Variants in KCNT2 observed in about 807,000 individuals in gnomAD.
The protein encoded by KCNT2 is potassium channel subfamily T member 2.
A neutral mutation model predicts 153.8 loss-of-function variants in KCNT2; 67 were observed. That is an observed-to-expected ratio of 0.44 (90% CI 0.36 to 0.53). The LOEUF is 0.53. Among genes scored for constraint, KCNT2 ranks in the 20% least tolerant of loss-of-function variants. KCNT2 has a pLI of 0.00. For missense variants in KCNT2, 975 were observed against 1,354.8 expected, an observed-to-expected ratio of 0.72 and a Z score of 4.40; for synonymous variants, 500 against 458.8, an observed-to-expected ratio of 1.09 and a Z score of -1.15.
rs529696700 is a variant in KCNT2 at position 196,366,251 on chromosome 1, C to T, written c.1403+6889G>A. 3.3e-5 allele frequency among the ~76,000 whole-genome samples: 5 copies of T among 152,030 alleles called. No homozygotes were observed. In the East Asian group the frequency reaches 9.7e-4, roughly 29 times the overall value. On this transcript the variant is annotated intron_variant, in intron 14 of 27. Coordinates refer to ENST00000294725, the MANE Select transcript of KCNT2 (RefSeq NM_198503.5). ...CTCAGCTCACCGCAGCCTCTGCCTC[C>T]TGGGTTCAAGGGATTCTCCTGCCTC...
intron 26 of KCNT2, among the ~76,000 whole-genome samples, chr1:196,251,884 G>C (rs1019460689): frequency 1.3e-5 from 2 of 151,666 alleles, no homozygotes; most frequent in Non-Finnish European, 3.0e-5. Flanking sequence ...TATACACCTA[G>C]TATGTGCTCA....
intron 12 of KCNT2, among the ~76,000 whole-genome samples, chr1:196,420,630 T>C (rs1274786756): frequency 6.6e-6 from 1 of 151,958 alleles, no homozygotes; most frequent in Admixed American, 6.6e-5. Context: ...ACACTTTTGA[T>C]TGAATGATAT....
intron 14 of KCNT2, among the ~76,000 whole-genome samples, chr1:196,362,759 C>A (rs1001182113): frequency 6.6e-6 from 1 of 152,008 alleles, no homozygotes; most frequent in Non-Finnish European, 1.5e-5. Flanking sequence ...GAGTTTCAGG[C>A]AGTCATTTTG....
intron 8 of KCNT2, among the ~76,000 whole-genome samples, chr1:196,461,041 CA>C (rs1313445928): frequency 6.6e-6 from 1 of 151,406 alleles, no homozygotes. Context: ...TGAAAAAAAA[CA>C]AAAAACTAGG....
At chr1:196,501,026 G>C (rs568808988) in intron 1 of KCNT2, among the ~76,000 whole-genome samples, 1 of 152,192 alleles carries the variant, frequency 6.6e-6, no homozygotes, top group African/African-American at 2.4e-5. Flanking sequence ...CAGTAAGAAT[G>C]GCTACTATAA....
chr1:196,438,899 T>C (rs1412924413), intron 8 of KCNT2, among the ~76,000 whole-genome samples: 1 of 151,942 alleles, frequency 6.6e-6, no homozygotes, highest in Non-Finnish European at 1.5e-5. Context: ...TTTTCTCTTT[T>C]TATATTACTT....
intron 11 of KCNT2, among the ~76,000 whole-genome samples, chr1:196,425,592 T>C (rs1673588876): frequency 6.6e-6 from 1 of 151,970 alleles, no homozygotes; most frequent in Admixed American, 6.6e-5. Context: ...CTGGGCCACT[T>C]TTTTCATTGT....
intron 8 of KCNT2, among the ~76,000 whole-genome samples, chr1:196,443,524 T>C (rs1306389798): frequency 1.3e-5 from 2 of 151,392 alleles, no homozygotes; most frequent in Admixed American, 6.6e-5. Flanking sequence ...GACAAATACA[T>C]GGGAACAAAC....
chr1:196,504,466 T>G (rs973171470), intron 1 of KCNT2, among the ~76,000 whole-genome samples: 2 of 152,172 alleles, frequency 1.3e-5, no homozygotes, highest in African/African-American at 4.8e-5. Flanking sequence ...TGCCACATTT[T>G]CTTAATCCAG....
At chr1:196,285,591 T>A (rs1488374168) in intron 23 of KCNT2, 66 bp downstream of exon 23, 1 of 960,418 alleles carries the variant, frequency 1.0e-6, no homozygotes, top group African/African-American at 1.7e-5. Flanking sequence ...GATGTATTAT[T>A]CATTTAAATA....
chr1:196,245,130 G>A (rs1032999988), intron 26 of KCNT2, among the ~76,000 whole-genome samples: 4 of 152,162 alleles, frequency 2.6e-5, no homozygotes, highest in African/African-American at 9.7e-5. Flanking sequence ...AAGAGCCACA[G>A]CATTACAGGG....
At chr1:196,463,597 AACAC>A (rs892459968) in intron 8 of KCNT2, among the ~76,000 whole-genome samples, 2 of 151,706 alleles carry the variant, frequency 1.3e-5, no homozygotes, top group Non-Finnish European at 3.0e-5. Flanking sequence ...TTAAAACTAA[AACAC>A]ACACACAAGA....
At chr1:196,425,487 T>C (rs1463502908) in intron 11 of KCNT2, among the ~76,000 whole-genome samples, 1 of 151,960 alleles carries the variant, frequency 6.6e-6, no homozygotes, top group African/African-American at 2.4e-5. Flanking sequence ...ACAATTTTTA[T>C]ATGTGGGATA....
intron 5 of KCNT2, among the ~76,000 whole-genome samples, 158 bp downstream of exon 5, chr1:196,479,021 A>T (rs1215341831): frequency 6.6e-6 from 1 of 152,196 alleles, no homozygotes; most frequent in Non-Finnish European, 1.5e-5. Flanking sequence ...ACATTACCGT[A>T]TTCATACAGC....
intron 21 of KCNT2, 29 bp downstream of exon 21, chr1:196,315,863 T>C (rs760912815): frequency 1.9e-6 from 3 of 1,582,652 alleles, no homozygotes; most frequent in South Asian, 1.2e-5. Flanking sequence ...ACAAAGTAAG[T>C]GGCAAGGTTG....
intron 8 of KCNT2, among the ~76,000 whole-genome samples, chr1:196,445,697 G>A (rs191682038): frequency 3.3e-5 from 5 of 151,440 alleles, no homozygotes; most frequent in Admixed American, 1.3e-4. Context: ...CTAAGAGATG[G>A]TTAATGAACT....
At chr1:196,269,275 C>T (rs921722519) in intron 25 of KCNT2, among the ~76,000 whole-genome samples, 5 of 152,110 alleles carry the variant, frequency 3.3e-5, no homozygotes, top group African/African-American at 4.8e-5. Flanking sequence ...ATAATAAAAA[C>T]GTAGGCATGA....
At chr1:196,479,003 C>T (rs544766342) in intron 5 of KCNT2, among the ~76,000 whole-genome samples, 176 bp downstream of exon 5, 14 of 152,236 alleles carry the variant, frequency 9.2e-5, no homozygotes, top group Admixed American at 8.5e-4. Flanking sequence ...TGTAAGTCAT[C>T]AAGGAAAACA....
At chr1:196,594,758 G>A (rs1663842637) in intron 1 of KCNT2, among the ~76,000 whole-genome samples, 1 of 152,042 alleles carries the variant, frequency 6.6e-6, no homozygotes, top group African/African-American at 2.4e-5. Flanking sequence ...ATACCAGACA[G>A]CCTCAGATCA....
Sources: allele counts gnomAD v4.1 joint callset (sites outside exome capture counted in the v4.1 genomes callset), GRCh38; gene constraint gnomAD v4.1.1; transcripts MANE v1.5; gene names NCBI Gene and HGNC (gene_info 2026-07-23, HGNC 2026-07-21).